Variants in IGSF5 observed in about 807,000 individuals in gnomAD.
The protein encoded by IGSF5 is immunoglobulin superfamily member 5.
IGSF5 carries 41 observed loss-of-function variants against 39.4 expected under a neutral mutation model. The ratio of observed to expected loss-of-function variants is 1.04; its 90% confidence interval spans 0.81 to 1.35. IGSF5 has a LOEUF of 1.35. IGSF5 is among the 40% of genes most tolerant of loss of function. The probability of loss-of-function intolerance (pLI) is 0.00; values close to 1 mark genes in which losing one functional copy is unlikely to be tolerated. For synonymous variants in IGSF5, 183 were observed against 175.3 expected, an observed-to-expected ratio of 1.04 and a Z score of -0.34; for missense variants, 487 against 494.6, an observed-to-expected ratio of 0.98 and a Z score of 0.15.
At chr21:39,787,612 T>C (rs930334396) in intron 5 of IGSF5, among the ~76,000 whole-genome samples, 9 of 149,192 alleles carry the variant, frequency 6.0e-5, no homozygotes, top group Non-Finnish European at 8.9e-5. Context: ...ATACCATTGG[T>C]ACATATTGAT....
intron 3 of IGSF5, 53 bp from the exon 4 acceptor site, chr21:39,770,863 G>T: frequency 5.9e-5 from 68 of 1,147,990 alleles, no homozygotes; most frequent in Non-Finnish European, 6.9e-5. Context: ...AGAAAACTTA[G>T]AAGCGAGAGG....
At chr21:39,714,870 G>T in the IGSF5 span, among the ~76,000 whole-genome samples, 1 of 152,072 alleles carries the variant, frequency 6.6e-6, no homozygotes, top group African/African-American at 2.4e-5. Flanking sequence ...ATATAATTTT[G>T]TTTGGGGGAA....
the IGSF5 span, among the ~76,000 whole-genome samples, chr21:39,712,427 A>C: frequency 6.6e-6 from 1 of 152,152 alleles, no homozygotes; most frequent in African/African-American, 2.4e-5. Context: ...TTCTGTGGAA[A>C]GGAAAGCCAA....
At chr21:39,787,876 A>G (rs895094251) in intron 5 of IGSF5, among the ~76,000 whole-genome samples, 1 of 152,178 alleles carries the variant, frequency 6.6e-6, no homozygotes, top group Non-Finnish European at 1.5e-5. Flanking sequence ...TTCAATAGTC[A>G]CAAAGTAATA....
chr21:39,770,927 C>A lies in IGSF5; in HGVS notation c.430C>A (p.Leu144Met). 1.3e-6 allele frequency: 2 copies of A among 1,549,530 alleles called. No individual in the cohort carries two copies. The highest frequency in any genetic ancestry group is 1.3e-5 in the South Asian group (1 of 79,388). The change falls in exon 4 of 9, where the codon CTG becomes ATG. Residue 144 changes from leucine (L) to methionine (M), a missense_variant. Transcript: ENST00000380588. The part of the protein sequence containing the change: ...AYLTVQVMGE[L>M]FIPSVNLVVA... ...CTTTTCTTCTTTAGTTATGGGAGAG[C>A]TGTTCATTCCCAGTGTTAATCTTGT...
upstream of IGSF5, among the ~76,000 whole-genome samples, chr21:39,740,442 C>T (rs987814775): frequency 7.9e-5 from 12 of 152,206 alleles, no homozygotes; most frequent in Non-Finnish European, 1.2e-4. Flanking sequence ...ACTGCATGGG[C>T]ATGGAGGACT....
At chr21:39,713,282 G>T in the IGSF5 span, among the ~76,000 whole-genome samples, 2 of 152,138 alleles carry the variant, frequency 1.3e-5, no homozygotes, top group Non-Finnish European at 2.9e-5. Flanking sequence ...TGGCCCTACT[G>T]GTGCTCCATC....
chr21:39,716,411 A>G, the IGSF5 span, among the ~76,000 whole-genome samples: 2 of 152,036 alleles, frequency 1.3e-5, no homozygotes, highest in Non-Finnish European at 2.9e-5. Context: ...AACACGTGTC[A>G]TGGGGGCTTG....
chr21:39,765,192 G>T (rs2080080109), intron 2 of IGSF5, among the ~76,000 whole-genome samples: 1 of 152,166 alleles, frequency 6.6e-6, no homozygotes. Context: ...TCTAAACCCA[G>T]GTTGATTTCA....
intron 4 of IGSF5, among the ~76,000 whole-genome samples, chr21:39,775,256 C>T (rs577025564): frequency 2.6e-5 from 4 of 152,260 alleles, no homozygotes; most frequent in African/African-American, 9.6e-5. Context: ...AATCACTAGC[C>T]GTGTGTCTTC....
At chr21:39,737,732 T>G in the IGSF5 span, among the ~76,000 whole-genome samples, 2 of 152,134 alleles carry the variant, frequency 1.3e-5, no homozygotes, top group Non-Finnish European at 2.9e-5. Flanking sequence ...TGGATATGTA[T>G]CGTTGCAGCG....
chr21:39,762,948 C>G (rs1053791866), intron 2 of IGSF5, among the ~76,000 whole-genome samples: 3 of 152,018 alleles, frequency 2.0e-5, no homozygotes, highest in African/African-American at 7.2e-5. Context: ...TGCTCTGCCC[C>G]CCATCTGGCT....
At chr21:39,787,292 A>T (rs902459244) in intron 5 of IGSF5, among the ~76,000 whole-genome samples, 1 of 152,134 alleles carries the variant, frequency 6.6e-6, no homozygotes, top group Non-Finnish European at 1.5e-5. Flanking sequence ...TTGGGATGTA[A>T]ATTGGCAGGT....
chr21:39,729,689 G>T, the IGSF5 span: 2 of 152,208 alleles, frequency 1.3e-5, no homozygotes, highest in African/African-American at 4.8e-5. Context: ...TTGGCCAGGA[G>T]CATACACAGA....
chr21:39,785,469 A>G (rs1310640261), intron 5 of IGSF5, among the ~76,000 whole-genome samples: 1 of 152,140 alleles, frequency 6.6e-6, no homozygotes, highest in Non-Finnish European at 1.5e-5. Context: ...GCCTTGTAGT[A>G]TAGTTTGAAG....
At chr21:39,797,147 G>A (rs1307173107) in intron 8 of IGSF5, among the ~76,000 whole-genome samples, 1 of 151,448 alleles carries the variant, frequency 6.6e-6, no homozygotes, top group Non-Finnish European at 1.5e-5. Context: ...TACCTTCCAT[G>A]CCCAGCATTA....
At chr21:39,734,437 A>ATAC in the IGSF5 span, among the ~76,000 whole-genome samples, 342 of 59,512 alleles carry the variant, frequency 5.7e-3, 1 homozygote, top group East Asian at 0.025. Context: ...AAAAAAAAAA[A>ATAC]ATACACACAC....
chr21:39,771,734 C>T (rs75144975), intron 4 of IGSF5, among the ~76,000 whole-genome samples: 6 of 152,202 alleles, frequency 3.9e-5, no homozygotes, highest in African/African-American at 1.4e-4. Flanking sequence ...AATGACAGAA[C>T]TTTAAAGTTT....
At chr21:39,751,066 TG>T (rs1413743620) in intron 2 of IGSF5, 1 of 153,058 alleles carries the variant, frequency 6.5e-6, no homozygotes, top group Non-Finnish European at 1.5e-5. Context: ...AGCTTGGTGA[TG>T]ATTAATGAGG....
Sources: gnomAD v4.1 joint callset for allele counts (sites outside exome capture counted in the v4.1 genomes callset) on GRCh38, gnomAD v4.1.1 for gene constraint, MANE v1.5 for transcripts, NCBI Gene and HGNC (gene_info 2026-07-23, HGNC 2026-07-21) for gene names.